The following KLHL7 variants were observed in gnomAD, a reference collection of about 807,000 sequenced individuals.
KLHL7 encodes kelch like family member 7.
Under a neutral mutation model 67.4 loss-of-function variants are expected in KLHL7, and 44 were observed. The observed-to-expected ratio is 0.65, with a 90% CI of 0.51 to 0.84. The LOEUF (loss-of-function observed/expected upper bound fraction) is 0.84, where lower values mean the gene tolerates loss of function less well. KLHL7 is among the 40% of genes least tolerant of loss of function. The pLI, the probability that KLHL7 is intolerant of heterozygous loss-of-function variation, is 0.00. For missense variants in KLHL7, 362 were observed against 718.1 expected, an observed-to-expected ratio of 0.50 and a Z score of 5.67; for synonymous variants, 252 against 243.3, an observed-to-expected ratio of 1.04 and a Z score of -0.33.
intron 1 of KLHL7, among the ~76,000 whole-genome samples, chr7:23,113,058 A>G (rs11984129): frequency 0.48 from 72,822 of 151,620 alleles, 20,737 homozygotes; most frequent in African/African-American, 0.81. Context: ...GTGGGAAGAA[A>G]GAGGGGATTG....
chr7:23,168,773 A>G (rs1003321543), intron 9 of KLHL7, among the ~76,000 whole-genome samples: 1 of 152,164 alleles, frequency 6.6e-6, no homozygotes, highest in Admixed American at 6.5e-5. Flanking sequence ...TTGATAAGAA[A>G]AGTCACTTGA....
chr7:23,132,206 T>C (rs1335560287), intron 4 of KLHL7, among the ~76,000 whole-genome samples: 1 of 152,230 alleles, frequency 6.6e-6, no homozygotes, highest in Non-Finnish European at 1.5e-5. Flanking sequence ...TAGCTCAATT[T>C]TTAGTTTTTT....
Position 23,106,826 on chromosome 7 carries a change from G to T in KLHL7, c.120+680G>T, listed in dbSNP as rs1583625953. On this transcript the variant is annotated intron_variant, in intron 1 of 10. Coordinates refer to ENST00000339077, the MANE Select transcript of KLHL7 (RefSeq NM_001031710.3). ...TATGAAAAGAACGGATTTTAACGCT[G>T]GCGAAGGTGAAACAAAGAGGCTTTT... The T allele has an allele frequency of 1.2e-5, 12 of 984,958 alleles. No homozygotes were observed. In the South Asian group the frequency reaches 3.8e-4, roughly 31 times the overall value. 61.0% of individuals were successfully genotyped at this position (984,958 alleles called of 1,614,324 possible). A position where few individuals can be genotyped will look rare whatever the true frequency, so the allele number is the denominator to read the frequency against.
At position 23,174,760 on chromosome 7, in the gene KLHL7, C is replaced by T. The variant is rs1368105153; in HGVS notation, c.*462C>T. ...GGCAACTCAGATGGAGCAGCTTAGT[C>T]TCACAGTTTGCTTGTCTATTTATTT... On this transcript the variant is annotated 3_prime_UTR_variant, in exon 11 of 11. Transcript: ENST00000339077. 1.3e-5 allele frequency: 6 copies of T among 454,776 alleles called. No individual in the cohort carries two copies. Among genetic ancestry groups the T allele is most frequent in the South Asian group, 9.3e-5 (6 of 64,478 alleles). The allele number at this position is 454,776 out of a possible 1,614,324, so 28.2% of individuals were successfully genotyped here. A position where few individuals can be genotyped will look rare whatever the true frequency, so the allele number is the denominator to read the frequency against.
At chr7:23,108,033 G>C (rs997568534) in intron 1 of KLHL7, among the ~76,000 whole-genome samples, 1 of 152,166 alleles carries the variant, frequency 6.6e-6, no homozygotes, top group African/African-American at 2.4e-5. Context: ...GTTTGAGTGA[G>C]GACCAACTTT....
At position 23,177,647 on chromosome 7, in the gene KLHL7, T is replaced by C. The variant is rs1264774804; in HGVS notation, c.*3349T>C. 6.6e-6 allele frequency: 1 copy of C among 152,200 alleles called. No homozygotes were observed. Among genetic ancestry groups the C allele is most frequent in the Non-Finnish European group, 1.5e-5 (1 of 68,038 alleles). The allele number at this position is 152,200 out of a possible 1,614,324, so 9.4% of individuals were successfully genotyped here. A position where few individuals can be genotyped will look rare whatever the true frequency, so the allele number is the denominator to read the frequency against. Reference sequence around the variant, plus strand: ...TTTTAGTAGACATTTGATAAGTTAATGTTATATCCTTTGCAATGATATTAT... The same window carrying C: ...TTTTAGTAGACATTTGATAAGTTAACGTTATATCCTTTGCAATGATATTAT... On this transcript the variant is annotated 3_prime_UTR_variant, in exon 11 of 11. Transcript: ENST00000339077.
intron 6 of KLHL7, among the ~76,000 whole-genome samples, chr7:23,148,363 C>G: frequency 7.4e-6 from 1 of 135,414 alleles, no homozygotes; most frequent in East Asian, 2.1e-4. Context: ...CACATCCTTA[C>G]AAATACCTAT....
At chr7:23,144,934 C>A (rs376934073) in intron 6 of KLHL7, among the ~76,000 whole-genome samples, 3,336 of 140,074 alleles carry the variant, frequency 0.024, 159 homozygotes, top group East Asian at 0.16. Flanking sequence ...TCCAACTCTC[C>A]AAAAAAAAAA....
In KLHL7 at chr7:23,174,865, C is replaced by T. The variant is rs771617414; in HGVS notation, c.*567C>T. 2 of 454,528 alleles carry T rather than the reference C, an allele frequency of 4.4e-6. No individual in the cohort carries two copies. The highest frequency in any genetic ancestry group is 3.1e-5 in the South Asian group (2 of 64,476). 28.2% of individuals were successfully genotyped at this position (454,528 alleles called of 1,614,324 possible). ...TATACACACTTTCTCACAAAACTTC[C>T]TAAACAGATTTGGGGGTTTAATATG... On this transcript the variant is annotated 3_prime_UTR_variant, in exon 11 of 11. Coordinates refer to ENST00000339077, the MANE Select transcript of KLHL7 (RefSeq NM_001031710.3).
intron 4 of KLHL7, among the ~76,000 whole-genome samples, chr7:23,134,237 A>G (rs1783897654): frequency 6.6e-6 from 1 of 152,144 alleles, no homozygotes; most frequent in Non-Finnish European, 1.5e-5. Flanking sequence ...TTTTGTTGAT[A>G]CGCTGTATCA....
chr7:23,117,866 T>G, intron 1 of KLHL7: 1 of 1,613,632 alleles, frequency 6.2e-7, no homozygotes, highest in South Asian at 1.1e-5. Context: ...TGTAGTTGAA[T>G]CTACAATCTG....
chr7:23,150,332 C>T (rs1784491624), intron 6 of KLHL7, among the ~76,000 whole-genome samples: 1 of 152,068 alleles, frequency 6.6e-6, no homozygotes, highest in South Asian at 2.1e-4. Context: ...TATACCCTTC[C>T]AGAGGTAGTC....
chr7:23,123,786 T>G lies in KLHL7; in HGVS notation c.130T>G (p.Cys44Gly). The change falls in exon 2 of 11, where the codon TGT becomes GGT. Residue 44 changes from cysteine to glycine, a missense_variant. Cys to Gly is a radical substitution (Grantham distance 159). Coordinates refer to ENST00000339077, the MANE Select transcript of KLHL7 (RefSeq NM_001031710.3). ...TTTTTCCTTTGATTAGAAAACGTTG[T>G]GTGACGTGATCCTCATGGTCCAGGA... The part of the protein sequence containing the change: ...MNNMRKQKTL[C>G]DVILMVQERK... 6.2e-7 allele frequency: 1 copy of G among 1,611,826 alleles called. No individual in the cohort carries two copies. The highest frequency in any genetic ancestry group is 8.5e-7 in the Non-Finnish European group (1 of 1,178,104).
At chr7:23,173,550 G>A (rs371191625) in intron 10 of KLHL7, among the ~76,000 whole-genome samples, 1 of 152,062 alleles carries the variant, frequency 6.6e-6, no homozygotes, top group African/African-American at 2.4e-5. Flanking sequence ...TAAATGAAAG[G>A]GAGTCGGAAC....
intron 2 of KLHL7, 41 bp from the exon 3 acceptor site, chr7:23,124,644 TGTG>T (rs751459736): frequency 1.8e-5 from 21 of 1,176,540 alleles, no homozygotes; most frequent in Non-Finnish European, 1.3e-5. Flanking sequence ...CAGTCAAACT[TGTG>T]GTAGTACAGA....
intron 7 of KLHL7, among the ~76,000 whole-genome samples, chr7:23,159,546 C>T (rs1172057571): frequency 2.0e-5 from 3 of 151,664 alleles, no homozygotes; most frequent in Non-Finnish European, 2.9e-5. Flanking sequence ...CCTTCTTCTT[C>T]TTTGAAACAA....
intron 7 of KLHL7, among the ~76,000 whole-genome samples, chr7:23,154,741 A>G (rs1182270284): frequency 6.6e-6 from 1 of 152,202 alleles, no homozygotes; most frequent in East Asian, 1.9e-4. Context: ...CTGAAAAGGA[A>G]TTCAATCTAA....
intron 4 of KLHL7, chr7:23,140,511 C>T (rs1191078082): frequency 4.5e-6 from 2 of 448,578 alleles, no homozygotes; most frequent in Admixed American, 3.3e-5. Context: ...GAGCCGAGAT[C>T]GCGCCACTGC....
intron 6 of KLHL7, 133 bp downstream of exon 6, chr7:23,144,158 C>T (rs1333151097): frequency 2.5e-6 from 2 of 787,144 alleles, no homozygotes; most frequent in East Asian, 5.3e-5. Context: ...GATAGTTAAT[C>T]CCTTGGGTTT....
Sources: allele counts gnomAD v4.1 joint callset (sites outside exome capture counted in the v4.1 genomes callset), GRCh38; gene constraint gnomAD v4.1.1; transcripts MANE v1.5; gene names NCBI Gene and HGNC (gene_info 2026-07-23, HGNC 2026-07-21).